LHX8: variants seen among roughly 807,000 people sequenced by gnomAD.
LHX8 encodes the protein LIM/homeobox protein Lhx8.
In LHX8, 12 loss-of-function variants were observed where a neutral mutation model predicts 40.3. That is an observed-to-expected ratio of 0.30 (90% CI 0.19 to 0.48). The LOEUF is 0.48. Among genes scored for constraint, LHX8 ranks in the 20% least tolerant of loss-of-function variants. The pLI, the probability that LHX8 is intolerant of heterozygous loss-of-function variation, is 0.99. For synonymous variants in LHX8, 179 were observed against 162.0 expected, an observed-to-expected ratio of 1.10 and a Z score of -0.80; for missense variants, 344 against 433.7, an observed-to-expected ratio of 0.79 and a Z score of 1.84.
intron 8 of LHX8, among the ~76,000 whole-genome samples, chr1:75,158,868 C>T (rs189465071): frequency 6.6e-5 from 10 of 152,106 alleles, no homozygotes; most frequent in African/African-American, 2.4e-4. Flanking sequence ...CTATTTCTAC[C>T]CCAAAAGGGA....
intron 7 of LHX8, among the ~76,000 whole-genome samples, chr1:75,151,686 C>T (rs1229311134): frequency 6.6e-6 from 1 of 152,188 alleles, no homozygotes; most frequent in African/African-American, 2.4e-5. Context: ...GTAGTTCCGA[C>T]TCCACGGGCT....
At chr1:75,163,941 A>C (rs568366151), downstream of LHX8, among the ~76,000 whole-genome samples, 1 of 152,194 alleles carries the variant, frequency 6.6e-6, no homozygotes, top group Non-Finnish European at 1.5e-5. Flanking sequence ...GGTGCCATCT[A>C]TGAGGACTGG....
chr1:75,130,451 C>A, upstream of LHX8: 3 of 570,440 alleles, frequency 5.3e-6, no homozygotes, highest in East Asian at 5.7e-5. Context: ...AGGGTCTGCC[C>A]GCCAGTGGAT....
At chr1:75,167,914 G>A in the LHX8 span, among the ~76,000 whole-genome samples, 2,618 of 152,250 alleles carry the variant, frequency 0.017, 76 homozygotes, top group African/African-American at 0.06. Context: ...GGTCATTATC[G>A]AGTAATTCAG....
At chr1:75,186,649 T>A in the LHX8 span, among the ~76,000 whole-genome samples, 1 of 152,144 alleles carries the variant, frequency 6.6e-6, no homozygotes, top group Admixed American at 6.5e-5. Context: ...GCAAGGTCCT[T>A]CAAATTAATG....
chr1:75,175,399 G>A, the LHX8 span, among the ~76,000 whole-genome samples: 1 of 152,092 alleles, frequency 6.6e-6, no homozygotes, highest in Non-Finnish European at 1.5e-5. Context: ...TTCCATAGTG[G>A]TTATACTAGT....
chr1:75,141,165 T>C, intron 4 of LHX8, 59 bp downstream of exon 4: 3 of 1,564,654 alleles, frequency 1.9e-6, no homozygotes, highest in Non-Finnish European at 2.6e-6. Context: ...CAAAGAGACT[T>C]TTGTAATAGG....
At chr1:75,175,948 T>C in the LHX8 span, among the ~76,000 whole-genome samples, 2 of 152,164 alleles carry the variant, frequency 1.3e-5, no homozygotes, top group Non-Finnish European at 1.5e-5. Flanking sequence ...TGTGATAGTT[T>C]GCTTAGAATG....
rs149276001 is a variant in LHX8 at position 75,146,649 on chromosome 1, G to T, written c.685-1938G>T. On this transcript the variant is annotated intron_variant, in intron 6 of 8. Coordinates refer to ENST00000356261, the MANE Select transcript of LHX8 (RefSeq NM_001256114.2). Reference sequence around the variant, plus strand: ...AAAAGGAGTGAAGTAGGCTTCAGCAGCATTAGTGCCTAGAGAATAGTGAAA... The same window carrying T: ...AAAAGGAGTGAAGTAGGCTTCAGCATCATTAGTGCCTAGAGAATAGTGAAA... 3.3e-4 allele frequency among the ~76,000 whole-genome samples: 50 copies of T among 152,228 alleles called. No individual in the cohort carries two copies. The East Asian group carries it at 8.3e-3, about 25-fold the overall frequency.
chr1:75,136,564 A>T lies in LHX8; in HGVS notation c.-12-39A>T, dbSNP rs764187689. 7 of 1,433,348 alleles carry T rather than the reference A, an allele frequency of 4.9e-6. No homozygotes were observed. The African/African-American group carries it at 9.9e-5, about 20-fold the overall frequency. 88.8% of individuals were successfully genotyped at this position (1,433,348 alleles called of 1,614,324 possible). A position where few individuals can be genotyped will look rare whatever the true frequency, so the allele number is the denominator to read the frequency against. On this transcript the variant is annotated intron_variant, in intron 1 of 8. Coordinates refer to ENST00000356261, the MANE Select transcript of LHX8 (RefSeq NM_001256114.2). ...GCGGGCAGCACGCTCGGAACTTCTG[A>T]TCTGTTTCTCCATACTTTCTCCCCC...
At chr1:75,198,242 TG>T in the LHX8 span, among the ~76,000 whole-genome samples, 2 of 152,158 alleles carry the variant, frequency 1.3e-5, no homozygotes, top group East Asian at 3.9e-4. Context: ...TACTCTGGCC[TG>T]GGTGCAGGGA....
intron 7 of LHX8, among the ~76,000 whole-genome samples, chr1:75,149,805 C>T (rs2100350203): frequency 6.6e-6 from 1 of 152,274 alleles, no homozygotes; most frequent in African/African-American, 2.4e-5. Context: ...CCTTGGCCTC[C>T]CAAAGTGCTG....
chr1:75,183,030 C>A, the LHX8 span: 31 of 152,210 alleles, frequency 2.0e-4, no homozygotes, highest in East Asian at 5.8e-3. Flanking sequence ...GCTGTTATTA[C>A]AAAACTTGGC....
At chr1:75,187,743 A>G in the LHX8 span, among the ~76,000 whole-genome samples, 2 of 152,172 alleles carry the variant, frequency 1.3e-5, no homozygotes, top group Admixed American at 1.3e-4. Flanking sequence ...ACAAGACAGC[A>G]TGGGAGTTTT....
chr1:75,153,524 T>TG (rs11420553), intron 7 of LHX8, among the ~76,000 whole-genome samples: 106,073 of 151,910 alleles, frequency 0.7, 37,960 homozygotes, highest in Middle Eastern at 0.81. Flanking sequence ...GTGATTCTCC[T>TG]CCTCAGCCTC....
Position 75,137,263 on chromosome 1 carries a change from T to C in LHX8, c.237+2T>C. The C allele has an allele frequency of 6.2e-7, 1 of 1,612,964 alleles. No homozygotes were observed. Among genetic ancestry groups the C allele is most frequent in the Non-Finnish European group, 8.5e-7 (1 of 1,179,820 alleles). ...ATCGTGGACAAATACCTTCTCAAGG[T>C]AGGATAGGGCCTCGGGTGCGAGGCC... On this transcript the variant is annotated splice_donor_variant, in intron 3 of 8. Transcript: ENST00000356261. LOFTEE classifies it high-confidence loss of function.
intron 4 of LHX8, 110 bp downstream of exon 4, chr1:75,141,216 CTTAT>C (rs1648301717): frequency 1.7e-6 from 2 of 1,198,548 alleles, no homozygotes; most frequent in Non-Finnish European, 2.4e-6. Flanking sequence ...CCCAGTTTTT[CTTAT>C]TTAAGAGATT....
At chr1:75,156,772 A>T in intron 7 of LHX8, 121 bp from the exon 8 acceptor site, 1 of 899,350 alleles carries the variant, frequency 1.1e-6, no homozygotes. Flanking sequence ...GCTGAGTTAC[A>T]TTTATGCGGT....
the LHX8 span, among the ~76,000 whole-genome samples, chr1:75,192,025 C>A: frequency 6.6e-6 from 1 of 152,152 alleles, no homozygotes; most frequent in Non-Finnish European, 1.5e-5. Context: ...CTATCTCCAC[C>A]ACTGATGAGC....
Sources: allele counts gnomAD v4.1 joint callset (sites outside exome capture counted in the v4.1 genomes callset), GRCh38; gene constraint gnomAD v4.1.1; transcripts MANE v1.5; gene names NCBI Gene and HGNC (gene_info 2026-07-23, HGNC 2026-07-21).